The following FHIT variants were observed in gnomAD, a reference collection of about 807,000 sequenced individuals.
FHIT encodes the protein fragile histidine triad diadenosine triphosphatase.
A neutral mutation model predicts 17.9 loss-of-function variants in FHIT; 19 were observed. The ratio of observed to expected loss-of-function variants is 1.06; its 90% CI spans 0.74 to 1.56. The LOEUF (loss-of-function observed/expected upper bound fraction) is 1.56. Among genes scored for constraint, FHIT ranks in the 40% most tolerant of loss-of-function variants. FHIT has a pLI of 0.00. For missense variants in FHIT, 248 were observed against 189.2 expected, an observed-to-expected ratio of 1.31 and a Z score of -1.82; for synonymous variants, 81 against 69.7, an observed-to-expected ratio of 1.16 and a Z score of -0.81.
chr3:60,475,806 T>C (rs1437845817), intron 5 of FHIT, among the ~76,000 whole-genome samples: 1 of 152,192 alleles, frequency 6.6e-6, no homozygotes, highest in African/African-American at 2.4e-5. Flanking sequence ...CCTGACCTCA[T>C]GTGATGGGTC....
chr3:60,290,077 C>G (rs781578008), intron 5 of FHIT, among the ~76,000 whole-genome samples: 2 of 152,148 alleles, frequency 1.3e-5, no homozygotes, highest in Non-Finnish European at 2.9e-5. Context: ...TGATGCTATG[C>G]GTGGCTTTCC....
At chr3:61,199,519 A>T (rs2038953671) in intron 2 of FHIT, among the ~76,000 whole-genome samples, 1 of 150,620 alleles carries the variant, frequency 6.6e-6, no homozygotes, top group African/African-American at 2.4e-5. Context: ...AGTTGCCCCA[A>T]AGCAAATCCT....
intron 8 of FHIT, among the ~76,000 whole-genome samples, chr3:59,916,298 G>A (rs1464635939): frequency 6.6e-6 from 1 of 152,146 alleles, no homozygotes; most frequent in Admixed American, 6.5e-5. Context: ...ACTTATACCA[G>A]TGGTTTGCCA....
intron 5 of FHIT, among the ~76,000 whole-genome samples, chr3:60,302,830 G>A (rs1708506038): frequency 6.6e-6 from 1 of 152,088 alleles, no homozygotes; most frequent in Non-Finnish European, 1.5e-5. Flanking sequence ...AGGCTCAAAT[G>A]GGGGCTGATC....
intron 5 of FHIT, among the ~76,000 whole-genome samples, chr3:60,229,760 G>A (rs933090217): frequency 1.3e-5 from 2 of 152,144 alleles, no homozygotes; most frequent in Non-Finnish European, 2.9e-5. Context: ...AAGGTGAGAG[G>A]ATCATGGCCA....
At chr3:61,130,314 T>C (rs2036727410) in intron 2 of FHIT, among the ~76,000 whole-genome samples, 1 of 152,220 alleles carries the variant, frequency 6.6e-6, no homozygotes, top group Non-Finnish European at 1.5e-5. Flanking sequence ...GTTGTGTTAC[T>C]TATGAGTCCT....
chr3:60,147,799 C>T (rs1039470312), intron 5 of FHIT, among the ~76,000 whole-genome samples: 3 of 152,080 alleles, frequency 2.0e-5, no homozygotes, highest in African/African-American at 4.8e-5. Context: ...TGAATGTGTG[C>T]CTCATGGAGC....
intron 1 of FHIT, among the ~76,000 whole-genome samples, chr3:61,226,295 C>T (rs1401715304): frequency 1.3e-5 from 2 of 152,152 alleles, no homozygotes; most frequent in South Asian, 2.1e-4. Flanking sequence ...CAAGCCTTTG[C>T]ATTTGGAGAT....
At chr3:60,861,259 T>TATATATGATATATC (rs1703866929) in intron 3 of FHIT, among the ~76,000 whole-genome samples, 1 of 116,836 alleles carries the variant, frequency 8.6e-6, no homozygotes, top group Non-Finnish European at 1.7e-5. Context: ...ATACATATGA[T>TATATATGATATATC]ATATCATATC....
intron 5 of FHIT, among the ~76,000 whole-genome samples, chr3:60,362,833 A>G (rs1699957219): frequency 6.6e-6 from 1 of 152,224 alleles, no homozygotes. Flanking sequence ...TGAGTCTTCA[A>G]TAAACGGCAG....
chr3:60,205,432 TATAAG>T (rs1703127777), intron 5 of FHIT, among the ~76,000 whole-genome samples: 2 of 152,162 alleles, frequency 1.3e-5, no homozygotes, highest in African/African-American at 4.8e-5. Context: ...TTGGCACAAG[TATAAG>T]ATAATAACTT....
intron 5 of FHIT, among the ~76,000 whole-genome samples, chr3:60,273,282 T>C (rs956886529): frequency 2.0e-5 from 3 of 151,858 alleles, no homozygotes; most frequent in African/African-American, 4.8e-5. Flanking sequence ...TAGAGGAAAT[T>C]TTATTGAATT....
intron 5 of FHIT, among the ~76,000 whole-genome samples, chr3:60,106,634 G>C (rs1397586120): frequency 1.3e-5 from 2 of 152,120 alleles, no homozygotes; most frequent in Non-Finnish European, 2.9e-5. Flanking sequence ...CAAAATCTGA[G>C]GTGCCCAGCC....
At chr3:60,931,499 T>G (rs1179467617) in intron 3 of FHIT, among the ~76,000 whole-genome samples, 4 of 152,336 alleles carry the variant, frequency 2.6e-5, no homozygotes, top group Non-Finnish European at 4.4e-5. Context: ...CGGAGGCCCC[T>G]AATTCCAAAT....
intron 4 of FHIT, among the ~76,000 whole-genome samples, chr3:60,572,538 A>C (rs1344339864): frequency 6.6e-6 from 1 of 152,138 alleles, no homozygotes; most frequent in Admixed American, 6.6e-5. Context: ...ACATACATGC[A>C]TACACACACA....
intron 5 of FHIT, among the ~76,000 whole-genome samples, chr3:60,435,243 T>C (rs1302294673): frequency 5.3e-5 from 8 of 152,152 alleles, no homozygotes; most frequent in African/African-American, 1.9e-4. Context: ...TACAGACATT[T>C]GTAATAGAAA....
chr3:60,156,589 A>C (rs1367142362), intron 5 of FHIT, among the ~76,000 whole-genome samples: 2 of 148,540 alleles, frequency 1.3e-5, no homozygotes, highest in Non-Finnish European at 3.0e-5. Flanking sequence ...TCTCTATAAA[A>C]ATTTTTTTTT....
At chr3:59,908,431 T>C (rs2107122642) in intron 8 of FHIT, among the ~76,000 whole-genome samples, 1 of 152,298 alleles carries the variant, frequency 6.6e-6, no homozygotes, top group East Asian at 1.9e-4. Flanking sequence ...TAAGTGTCCT[T>C]CATGTGCTTG....
intron 5 of FHIT, among the ~76,000 whole-genome samples, chr3:60,519,318 G>T (rs1007134243): frequency 6.6e-5 from 10 of 152,142 alleles, no homozygotes; most frequent in African/African-American, 2.4e-4. Context: ...CGTTTATTTA[G>T]TCAAGCAATT....
Sources: gnomAD v4.1 joint callset for allele counts (sites outside exome capture counted in the v4.1 genomes callset) on GRCh38, gnomAD v4.1.1 for gene constraint, MANE v1.5 for transcripts, NCBI Gene and HGNC (gene_info 2026-07-23, HGNC 2026-07-21) for gene names.